TSPAN19: variants seen among roughly 807,000 people sequenced by gnomAD.
TSPAN19 encodes tetraspanin-19.
TSPAN19 carries 44 observed loss-of-function variants against 35.1 expected under a neutral mutation model. The ratio of observed to expected loss-of-function variants is 1.25; its 90% confidence interval spans 0.98 to 1.61. The LOEUF is 1.61. Ranked by LOEUF, TSPAN19 falls within the 40% of genes most tolerant of loss-of-function variation. TSPAN19 has a pLI of 0.00. For synonymous variants in TSPAN19, 79 were observed against 92.0 expected (o/e 0.86, Z 0.81); for missense variants, 290 against 280.0 (o/e 1.04, Z -0.26).
At chr12:85,020,924 C>T (rs1325371374) in intron 5 of TSPAN19, among the ~76,000 whole-genome samples, 1 of 151,826 alleles carries the variant, frequency 6.6e-6, no homozygotes, top group African/African-American at 2.4e-5. Flanking sequence ...GGATCTCAGC[C>T]AAGAGCCTTG....
At chr12:85,017,088 G>C (rs1278185565) in intron 7 of TSPAN19, 3 of 198,732 alleles carry the variant, frequency 1.5e-5, no homozygotes, top group African/African-American at 7.2e-5. Context: ...TTTAGTTTTT[G>C]CCTATTCTTT....
intron 6 of TSPAN19, among the ~76,000 whole-genome samples, chr12:85,018,202 A>G (rs1422624645): frequency 6.6e-6 from 1 of 151,908 alleles, no homozygotes; most frequent in Non-Finnish European, 1.5e-5. Flanking sequence ...TTAGGAGGAT[A>G]TGAAAGAATC....
intron 5 of TSPAN19, among the ~76,000 whole-genome samples, chr12:85,020,647 G>A (rs961543244): frequency 1.3e-5 from 2 of 151,894 alleles, no homozygotes; most frequent in Admixed American, 1.3e-4. Flanking sequence ...TCCCCTGAAG[G>A]TATAGCATCA....
chr12:85,023,577 A>G (rs1052682167), intron 4 of TSPAN19, among the ~76,000 whole-genome samples, 177 bp from the exon 5 acceptor site: 1 of 152,298 alleles, frequency 6.6e-6, no homozygotes, highest in Non-Finnish European at 1.5e-5. Flanking sequence ...AAGGCAAAGT[A>G]AAAAACAAAT....
chr12:85,022,698 G>A (rs560202201), intron 5 of TSPAN19, among the ~76,000 whole-genome samples: 3 of 152,118 alleles, frequency 2.0e-5, no homozygotes, highest in South Asian at 2.1e-4. Flanking sequence ...TTAATCTTCC[G>A]TGATATAAGA....
At chr12:85,024,844 C>G (rs1474609488) in intron 4 of TSPAN19, 1 of 151,388 alleles carries the variant, frequency 6.6e-6, no homozygotes, top group Non-Finnish European at 1.5e-5. Flanking sequence ...ATTTACTAGG[C>G]AAAATATAAG....
intron 1 of TSPAN19, among the ~76,000 whole-genome samples, chr12:85,030,907 A>T (rs188251289): frequency 6.6e-6 from 1 of 152,268 alleles, no homozygotes; most frequent in East Asian, 1.9e-4. Flanking sequence ...AATTTTAAAC[A>T]TACTGTAGTT....
Position 85,026,461 on chromosome 12 carries a change from C to T in TSPAN19, c.264+1438G>A, listed in dbSNP as rs117967210. On this transcript the variant is annotated intron_variant, in intron 4 of 8. Transcript: ENST00000532498. Reference sequence around the variant, plus strand: ...GTGGAATCTGGAAGTCTGTGGGTTTCCAGAGCAACAGAGCATAGTCCTTGG... The same window carrying T: ...GTGGAATCTGGAAGTCTGTGGGTTTTCAGAGCAACAGAGCATAGTCCTTGG... 2.5e-3 allele frequency among the ~76,000 whole-genome samples: 374 copies of T among 152,184 alleles called. 2 individuals carry two copies. In the Middle Eastern group the frequency reaches 0.041, roughly 17 times the overall value.
chr12:85,014,930 A>G (rs1050982300), intron 8 of TSPAN19: 1 of 158,356 alleles, frequency 6.3e-6, no homozygotes, highest in Non-Finnish European at 1.4e-5. Flanking sequence ...ATAGATAATG[A>G]AAGGTGGCTT....
At chr12:85,016,422 C>T (rs1426069308) in intron 7 of TSPAN19, 1 of 152,006 alleles carries the variant, frequency 6.6e-6, no homozygotes, top group Non-Finnish European at 1.5e-5. Flanking sequence ...AAAACAATAA[C>T]TAATAATAAA....
chr12:85,020,679 C>A (rs1877072896), intron 5 of TSPAN19, among the ~76,000 whole-genome samples: 1 of 152,024 alleles, frequency 6.6e-6, no homozygotes, highest in African/African-American at 2.4e-5. Flanking sequence ...CAGAGGGGTC[C>A]TGTCCTATAT....
intron 1 of TSPAN19, among the ~76,000 whole-genome samples, chr12:85,030,598 T>G (rs1039257166): frequency 6.6e-6 from 1 of 152,074 alleles, no homozygotes; most frequent in African/African-American, 2.4e-5. Context: ...AACCTCCAGG[T>G]TTAGCACACA....
chr12:85,017,113 T>C, intron 7 of TSPAN19: 1 of 221,750 alleles, frequency 4.5e-6, no homozygotes, highest in Non-Finnish European at 8.7e-6. Flanking sequence ...CCTGGTGTTT[T>C]AGCTCCCTTT....
intron 4 of TSPAN19, 103 bp downstream of exon 4, chr12:85,027,796 C>A: frequency 1.7e-6 from 2 of 1,155,220 alleles, no homozygotes; most frequent in Non-Finnish European, 1.2e-6. Context: ...TAAGGACATA[C>A]TCTACTGCAG....
chr12:85,017,365 A>G (rs1876870197), intron 7 of TSPAN19, 91 bp downstream of exon 7: 1 of 1,157,392 alleles, frequency 8.6e-7, no homozygotes, highest in Admixed American at 2.7e-5. Flanking sequence ...CATTATTTTT[A>G]TATAAAAATT....
intron 3 of TSPAN19, 148 bp from the exon 4 acceptor site, chr12:85,028,171 T>C: frequency 1.7e-6 from 1 of 593,296 alleles, no homozygotes; most frequent in Non-Finnish European, 2.8e-6. Flanking sequence ...TCTCTCTCTG[T>C]CTCTCAATTT....
intron 1 of TSPAN19, among the ~76,000 whole-genome samples, chr12:85,033,519 A>G (rs1488874319): frequency 1.3e-5 from 2 of 152,128 alleles, no homozygotes; most frequent in Non-Finnish European, 2.9e-5. Flanking sequence ...GCATTGGGAT[A>G]ACCAAAGAAT....
intron 1 of TSPAN19, among the ~76,000 whole-genome samples, chr12:85,033,948 G>C (rs565399165): frequency 9.9e-5 from 15 of 152,178 alleles, no homozygotes; most frequent in Non-Finnish European, 1.9e-4. Context: ...TCATATCTCA[G>C]TATAGAAATA....
At chr12:85,016,688 T>C (rs895212581) in intron 7 of TSPAN19, 4 of 151,908 alleles carry the variant, frequency 2.6e-5, no homozygotes, top group Non-Finnish European at 4.4e-5. Context: ...CAGTGTGCAA[T>C]TGAAAACTTA....
Sources: gnomAD v4.1 joint callset for allele counts (sites outside exome capture counted in the v4.1 genomes callset) on GRCh38, gnomAD v4.1.1 for gene constraint, MANE v1.5 for transcripts, NCBI Gene and HGNC (gene_info 2026-07-23, HGNC 2026-07-21) for gene names.